The following FRMD4A variants were observed in gnomAD, a reference collection of about 807,000 sequenced individuals.
FRMD4A encodes the protein FERM domain containing 4A.
A neutral mutation model predicts 129.1 loss-of-function variants in FRMD4A; 29 were observed. The observed-to-expected ratio is 0.22, with a 90% confidence interval of 0.17 to 0.31. The LOEUF (loss-of-function observed/expected upper bound fraction) is 0.31. Ranked by LOEUF, FRMD4A falls within the 10% of genes least tolerant of loss-of-function variation. The probability of loss-of-function intolerance (pLI) is 1.00; values close to 1 mark genes in which losing one functional copy is unlikely to be tolerated. For synonymous variants in FRMD4A, 634 were observed against 571.6 expected (o/e 1.11, Z -1.56); for missense variants, 1,272 against 1,375.8 (o/e 0.92, Z 1.19).
chr10:14,146,858 T>C (rs1564339016), intron 2 of FRMD4A, among the ~76,000 whole-genome samples: 1 of 152,198 alleles, frequency 6.6e-6, no homozygotes, highest in Non-Finnish European at 1.5e-5. Context: ...AATATGCAGT[T>C]CTGCACGTAA....
chr10:14,303,014 C>T (rs189155271), intron 2 of FRMD4A, among the ~76,000 whole-genome samples: 7 of 152,100 alleles, frequency 4.6e-5, no homozygotes, highest in Admixed American at 4.6e-4. Context: ...GGCAGGAATC[C>T]TATTCTTCAA....
Position 13,762,188 on chromosome 10 carries a change from A to C in FRMD4A, c.441+436T>G, listed in dbSNP as rs143163963. Among the ~76,000 whole-genome samples the C allele has an allele frequency of 2.6e-5, 4 of 152,340 alleles. No individual in the cohort carries two copies. In the East Asian group the frequency reaches 7.7e-4, roughly 29 times the overall value. Reference sequence around the variant, plus strand: ...ATTTTAACTCATCTTGCCACTATTAAGCTAATATTCTATAACATCTTTTTT... The same window carrying C: ...ATTTTAACTCATCTTGCCACTATTACGCTAATATTCTATAACATCTTTTTT... On this transcript the variant is annotated intron_variant, in intron 7 of 24. Transcript: ENST00000357447.
At chr10:13,934,082 C>T (rs879750103) in intron 2 of FRMD4A, among the ~76,000 whole-genome samples, 5 of 152,176 alleles carry the variant, frequency 3.3e-5, no homozygotes, top group Admixed American at 3.3e-4. Context: ...CAGGATTTGG[C>T]AAGCACCCTG....
At chr10:14,282,066 A>T (rs528784974) in intron 2 of FRMD4A, among the ~76,000 whole-genome samples, 1 of 152,230 alleles carries the variant, frequency 6.6e-6, no homozygotes, top group Non-Finnish European at 1.5e-5. Flanking sequence ...AGAAAGAATG[A>T]GAACCAAGCA....
chr10:13,829,212 C>T (rs2093751803), intron 3 of FRMD4A, among the ~76,000 whole-genome samples: 1 of 152,160 alleles, frequency 6.6e-6, no homozygotes, highest in Admixed American at 6.5e-5. Flanking sequence ...GAAGCTTTCA[C>T]ATTGATAAAC....
intron 2 of FRMD4A, among the ~76,000 whole-genome samples, chr10:14,102,279 T>C (rs1837346590): frequency 1.3e-5 from 2 of 152,158 alleles, no homozygotes; most frequent in Non-Finnish European, 2.9e-5. Context: ...GTAATCCCAG[T>C]ACCTCGGGAG....
chr10:14,175,269 TC>T (rs1315149360), intron 2 of FRMD4A, among the ~76,000 whole-genome samples: 1 of 152,156 alleles, frequency 6.6e-6, no homozygotes, highest in Non-Finnish European at 1.5e-5. Context: ...GATGCCCCTG[TC>T]CCTTGCCCTT....
chr10:14,199,719 A>G (rs374848648), intron 2 of FRMD4A, among the ~76,000 whole-genome samples: 192 of 152,026 alleles, frequency 1.3e-3, no homozygotes, highest in African/African-American at 4.4e-3. Flanking sequence ...ATTCCTTTTA[A>G]TTTCTAAATT....
In FRMD4A at chr10:13,910,906, A is replaced by G. The variant is rs1438084121; in HGVS notation, c.46-51994T>C. Among the ~76,000 whole-genome samples, 13 of 21,136 alleles carry G rather than the reference A, an allele frequency of 6.2e-4. 1 individual carries two copies. In the Admixed American group the frequency reaches 8.5e-3, roughly 14 times the overall value. The allele number at this position is 21,136 out of a possible 152,430, so 13.9% of individuals were successfully genotyped here. A position where few individuals can be genotyped will look rare whatever the true frequency, so the allele number is the denominator to read the frequency against. On this transcript the variant is annotated intron_variant, in intron 2 of 24. Coordinates refer to ENST00000357447, the MANE Select transcript of FRMD4A (RefSeq NM_018027.5). ...GTTTCATGAAAAAAAAAAAAAAAAAAAAAAAAAAAAAAAAAAAAAAGTCTA... is the reference window on the plus strand; with the variant it reads ...GTTTCATGAAAAAAAAAAAAAAAAAGAAAAAAAAAAAAAAAAAAAAGTCTA...
In FRMD4A at chr10:13,903,955, A is replaced by G. The variant is rs538894373; in HGVS notation, c.46-45043T>C. Among the ~76,000 whole-genome samples the G allele has an allele frequency of 4.6e-5, 7 of 152,350 alleles. No homozygotes were observed. In the South Asian group the frequency reaches 1.4e-3, roughly 32 times the overall value. On this transcript the variant is annotated intron_variant, in intron 2 of 24. Coordinates refer to ENST00000357447, the MANE Select transcript of FRMD4A (RefSeq NM_018027.5). Reference sequence around the variant, plus strand: ...TCTTGGATGTAGAATTGCAGTCTTAAGAACTTAATTCTGATGGAAATGCTT... The same window carrying G: ...TCTTGGATGTAGAATTGCAGTCTTAGGAACTTAATTCTGATGGAAATGCTT...
chr10:13,667,960 G>A (rs1238030940), intron 17 of FRMD4A: 1 of 152,198 alleles, frequency 6.6e-6, no homozygotes, highest in Non-Finnish European at 1.5e-5. Context: ...CCAAATAGGA[G>A]GAGATCAATT....
intron 3 of FRMD4A, among the ~76,000 whole-genome samples, chr10:13,814,364 G>C (rs1475078799): frequency 6.6e-6 from 1 of 150,768 alleles, no homozygotes; most frequent in Non-Finnish European, 1.5e-5. Context: ...GCTGAGGCAG[G>C]AGGATCCTTT....
At chr10:13,962,767 G>C (rs571258786) in intron 2 of FRMD4A, among the ~76,000 whole-genome samples, 1 of 152,286 alleles carries the variant, frequency 6.6e-6, no homozygotes, top group African/African-American at 2.4e-5. Flanking sequence ...ACAGTGCTTT[G>C]GTGGTAGATT....
rs1249541260 is a variant in FRMD4A at position 14,330,597 on chromosome 10, C to G, written c.-82G>C. On this transcript the variant is annotated splice_region_variant and 5_prime_UTR_variant, in exon 1 of 25. Coordinates refer to ENST00000357447, the MANE Select transcript of FRMD4A (RefSeq NM_018027.5). ...AAACATGCTGAATGTCACAACATAC[C>G]GCTCGCAATCTGGTCAGTGTCTTCT... 2 of 400,322 alleles carry G rather than the reference C, an allele frequency of 5.0e-6. No homozygotes were observed. Among genetic ancestry groups the G allele is most frequent in the Non-Finnish European group, 8.8e-6 (2 of 227,570 alleles). The allele number at this position is 400,322 out of a possible 1,614,324, so 24.8% of individuals were successfully genotyped here. A position where few individuals can be genotyped will look rare whatever the true frequency, so the allele number is the denominator to read the frequency against.
At chr10:14,166,740 C>T (rs370629913) in intron 2 of FRMD4A, among the ~76,000 whole-genome samples, 1 of 152,284 alleles carries the variant, frequency 6.6e-6, no homozygotes, top group East Asian at 1.9e-4. Context: ...TTACTTGTCC[C>T]CAAATATTCT....
At chr10:13,964,720 G>A (rs999555261) in intron 2 of FRMD4A, among the ~76,000 whole-genome samples, 64 of 148,184 alleles carry the variant, frequency 4.3e-4, no homozygotes, top group Non-Finnish European at 8.6e-4. Context: ...TCACCAGGCT[G>A]GAGTGCAATG....
intron 2 of FRMD4A, among the ~76,000 whole-genome samples, chr10:14,028,797 G>A (rs1833099508): frequency 1.3e-5 from 2 of 152,182 alleles, no homozygotes; most frequent in African/African-American, 4.8e-5. Context: ...AGCACTAAGT[G>A]GCAGGGACAT....
intron 2 of FRMD4A, among the ~76,000 whole-genome samples, chr10:14,013,232 C>T (rs2131637569): frequency 6.6e-6 from 1 of 152,344 alleles, no homozygotes; most frequent in African/African-American, 2.4e-5. Flanking sequence ...TAACCTCCAT[C>T]TTGAGCCATA....
intron 2 of FRMD4A, among the ~76,000 whole-genome samples, chr10:14,146,581 G>A (rs570451647): frequency 6.6e-6 from 1 of 152,308 alleles, no homozygotes; most frequent in Non-Finnish European, 1.5e-5. Context: ...GACATCTGAT[G>A]CCTATAGAAT....
Sources: gnomAD v4.1 joint callset for allele counts (sites outside exome capture counted in the v4.1 genomes callset) on GRCh38, gnomAD v4.1.1 for gene constraint, MANE v1.5 for transcripts, NCBI Gene and HGNC (gene_info 2026-07-23, HGNC 2026-07-21) for gene names.